CNTN5: variants seen among roughly 807,000 people sequenced by gnomAD.
CNTN5 encodes contactin-5.
CNTN5 carries 77 observed loss-of-function variants against 129.1 expected under a neutral mutation model. That is an observed-to-expected ratio of 0.60 (90% CI 0.50 to 0.72). CNTN5 has a LOEUF of 0.72. CNTN5 is among the 30% of genes least tolerant of loss of function. The probability of loss-of-function intolerance (pLI) is 0.00; values close to 1 mark genes in which losing one functional copy is unlikely to be tolerated. For missense variants in CNTN5, 1,478 were observed against 1,328.8 expected (o/e 1.11, Z -1.75); for synonymous variants, 509 against 465.6 (o/e 1.09, Z -1.20).
chr11:99,432,349 C>T (rs979600899), intron 2 of CNTN5, among the ~76,000 whole-genome samples: 7 of 151,920 alleles, frequency 4.6e-5, no homozygotes, highest in African/African-American at 4.8e-5. Flanking sequence ...TTCCAGATAC[C>T]GTCAACTGCA....
intron 1 of CNTN5, among the ~76,000 whole-genome samples, chr11:99,177,316 A>G (rs1003245765): frequency 6.6e-6 from 1 of 152,164 alleles, no homozygotes; most frequent in South Asian, 2.1e-4. Context: ...CCTCTCCACT[A>G]TATAATGTCT....
At chr11:99,861,110 C>G (rs777663194) in intron 6 of CNTN5, among the ~76,000 whole-genome samples, 3 of 152,006 alleles carry the variant, frequency 2.0e-5, no homozygotes, top group Non-Finnish European at 4.4e-5. Context: ...CGCCAACCAC[C>G]AAGCCTGGCT....
At chr11:99,395,349 T>G (rs1047754878) in intron 2 of CNTN5, among the ~76,000 whole-genome samples, 1 of 152,044 alleles carries the variant, frequency 6.6e-6, no homozygotes, top group Non-Finnish European at 1.5e-5. Flanking sequence ...TTTTGAGAAG[T>G]GCCTGTTCAT....
intron 21 of CNTN5, among the ~76,000 whole-genome samples, chr11:100,333,408 GAAA>G (rs547220238): frequency 0.11 from 8,502 of 74,240 alleles, 93 homozygotes; most frequent in Middle Eastern, 0.22. Context: ...CACTGAATTA[GAAA>G]AAAAAAAAAA....
At chr11:99,915,354 G>A (rs1336511523) in intron 6 of CNTN5, among the ~76,000 whole-genome samples, 1 of 152,048 alleles carries the variant, frequency 6.6e-6, no homozygotes, top group African/African-American at 2.4e-5. Context: ...TTCAAATTGT[G>A]TAAATGCAAC....
At chr11:100,170,864 G>T (rs932054193) in intron 13 of CNTN5, among the ~76,000 whole-genome samples, 7 of 149,238 alleles carry the variant, frequency 4.7e-5, no homozygotes, top group African/African-American at 1.5e-4. Flanking sequence ...AGATAGAAAA[G>T]AAATTATAGA....
chr11:99,451,773 T>C (rs1944311098), intron 2 of CNTN5, among the ~76,000 whole-genome samples: 2 of 152,186 alleles, frequency 1.3e-5, no homozygotes. Flanking sequence ...TTTCTTTTTA[T>C]TGGAACTAAA....
chr11:99,730,997 A>G (rs1465205795), intron 3 of CNTN5, among the ~76,000 whole-genome samples: 2 of 152,168 alleles, frequency 1.3e-5, no homozygotes, highest in Non-Finnish European at 2.9e-5. Flanking sequence ...CTCTACCTCC[A>G]TGAGATAGCT....
At chr11:99,463,929 T>C (rs1217325787) in intron 2 of CNTN5, among the ~76,000 whole-genome samples, 1 of 152,216 alleles carries the variant, frequency 6.6e-6, no homozygotes, top group Non-Finnish European at 1.5e-5. Flanking sequence ...TTTCTGAATA[T>C]AAAAATGATC....
chr11:99,656,443 A>G (rs1011867562), intron 3 of CNTN5, among the ~76,000 whole-genome samples: 3 of 152,124 alleles, frequency 2.0e-5, no homozygotes, highest in Non-Finnish European at 4.4e-5. Flanking sequence ...TGATGATGCA[A>G]AGCGCCAGGC....
intron 3 of CNTN5, among the ~76,000 whole-genome samples, chr11:99,774,499 A>AC (rs1565515529): frequency 6.6e-6 from 1 of 151,938 alleles, no homozygotes; most frequent in Non-Finnish European, 1.5e-5. Context: ...AGAAGTAAAA[A>AC]AAAAAAAATG....
intron 9 of CNTN5, among the ~76,000 whole-genome samples, chr11:100,041,279 A>C (rs1942363967): frequency 6.6e-6 from 1 of 152,184 alleles, no homozygotes; most frequent in African/African-American, 2.4e-5. Flanking sequence ...GACTCTTGCC[A>C]CACTAGATTG....
rs1302682566 is a variant in CNTN5, at chr11:99,602,873, C to T, written c.55+46604C>T. Among the ~76,000 whole-genome samples, 3 of 132,652 alleles carry T rather than the reference C, an allele frequency of 2.3e-5. No individual in the cohort carries two copies. In the East Asian group the frequency reaches 6.7e-4, roughly 30 times the overall value. 87.0% of individuals were successfully genotyped at this position (132,652 alleles called of 152,430 possible). On this transcript the variant is annotated intron_variant, in intron 3 of 24. Transcript: ENST00000524871. The stretch of plus-strand genomic sequence containing the variant: ...CACATGGCAGGGTATTCCAACAGAC[C>T]TGCAGCTGAGGGTCCTGTCTGTTAG...
intron 1 of CNTN5, among the ~76,000 whole-genome samples, chr11:99,077,372 T>G (rs989580668): frequency 3.3e-5 from 5 of 152,214 alleles, no homozygotes; most frequent in African/African-American, 2.4e-5. Flanking sequence ...GGATATTTAA[T>G]AGCTCCACTG....
intron 16 of CNTN5, among the ~76,000 whole-genome samples, chr11:100,253,362 C>G (rs941963360): frequency 6.6e-6 from 1 of 151,960 alleles, no homozygotes; most frequent in African/African-American, 2.4e-5. Context: ...CCAGTGCCTA[C>G]CATAAAACTT....
chr11:100,018,814 C>G (rs1940969036), intron 9 of CNTN5, among the ~76,000 whole-genome samples: 1 of 151,854 alleles, frequency 6.6e-6, no homozygotes, highest in South Asian at 2.1e-4. Flanking sequence ...AGTCCAAGTA[C>G]CTCCACGTCT....
intron 2 of CNTN5, among the ~76,000 whole-genome samples, chr11:99,483,977 GC>G (rs1322379301): frequency 6.6e-6 from 1 of 152,000 alleles, no homozygotes; most frequent in Non-Finnish European, 1.5e-5. Context: ...CACGTGAAAT[GC>G]TTTAGGACAT....
At chr11:100,152,163 G>A (rs12146540) in intron 13 of CNTN5, among the ~76,000 whole-genome samples, 21,512 of 152,074 alleles carry the variant, frequency 0.14, 1,623 homozygotes, top group African/African-American at 0.2. Context: ...CTTCTACAGC[G>A]ACTCATTTGT....
At chr11:99,888,055 G>C (rs1237935880) in intron 6 of CNTN5, among the ~76,000 whole-genome samples, 2 of 152,128 alleles carry the variant, frequency 1.3e-5, no homozygotes, top group Admixed American at 6.6e-5. Flanking sequence ...GTTATCTCCT[G>C]TTCACAATAG....
Sources: allele counts gnomAD v4.1 joint callset (sites outside exome capture counted in the v4.1 genomes callset), GRCh38; gene constraint gnomAD v4.1.1; transcripts MANE v1.5; gene names NCBI Gene and HGNC (gene_info 2026-07-23, HGNC 2026-07-21).